Variants in TRAPPC9 observed in about 807,000 individuals in gnomAD.
TRAPPC9 encodes the protein trafficking protein particle complex subunit 9.
In TRAPPC9, 83 loss-of-function variants were observed where a neutral mutation model predicts 124.0. The observed-to-expected ratio is 0.67, with a 90% confidence interval of 0.56 to 0.80. The LOEUF (loss-of-function observed/expected upper bound fraction) is 0.80, where lower values mean the gene tolerates loss of function less well. Ranked by LOEUF, TRAPPC9 falls within the 30% of genes least tolerant of loss-of-function variation. The pLI is 0.00. For synonymous variants in TRAPPC9, 638 were observed against 617.5 expected (o/e 1.03, Z -0.49); for missense variants, 1,302 against 1,508.3 (o/e 0.86, Z 2.27).
chr8:140,252,997 T>C lies in TRAPPC9; in HGVS notation c.2279-68A>G, dbSNP rs542927573. 5.5e-5 allele frequency: 83 copies of C among 1,509,928 alleles called. 1 individual carries two copies. The East Asian group carries it at 1.8e-3, about 34-fold the overall frequency. The allele number at this position is 1,509,928 out of a possible 1,614,324, so 93.5% of individuals were successfully genotyped here. ...GGCAGTATGGGACTTACCAATCCCCTAGAAAATTCTGATGCATTCTCAAAA... is the reference window on the plus strand; with the variant it reads ...GGCAGTATGGGACTTACCAATCCCCCAGAAAATTCTGATGCATTCTCAAAA... On this transcript the variant is annotated intron_variant, in intron 15 of 22. Coordinates refer to ENST00000438773, the MANE Select transcript of TRAPPC9 (RefSeq NM_001160372.4). The surrounding 1 kb of genome is among the most constrained non-coding windows in gnomAD (Gnocchi z 4.2).
intron 11 of TRAPPC9, among the ~76,000 whole-genome samples, chr8:140,291,612 A>C (rs1480511386): frequency 6.6e-6 from 1 of 152,244 alleles, no homozygotes; most frequent in Non-Finnish European, 1.5e-5. Flanking sequence ...TGCACTATGT[A>C]ATCCCCACCT....
chr8:140,202,777 T>G (rs1368362508), intron 17 of TRAPPC9, among the ~76,000 whole-genome samples: 1 of 152,242 alleles, frequency 6.6e-6, no homozygotes, highest in Non-Finnish European at 1.5e-5. Context: ...AGCCAGATAC[T>G]GGGCATCTAT....
intron 15 of TRAPPC9, among the ~76,000 whole-genome samples, chr8:140,274,691 C>T (rs1003974262): frequency 6.6e-6 from 1 of 152,198 alleles, no homozygotes; most frequent in Non-Finnish European, 1.5e-5. Context: ...CTGGACCTTC[C>T]CTCAAGCTGG....
At chr8:139,732,262 C>A in intron 21 of TRAPPC9, 60 bp from the exon 22 acceptor site, 4 of 1,430,860 alleles carry the variant, frequency 2.8e-6, no homozygotes, top group Non-Finnish European at 1.9e-6. Flanking sequence ...GCCGGCCTAC[C>A]CCACCCACTC....
At chr8:140,248,960 C>T (rs78611353) in intron 16 of TRAPPC9, among the ~76,000 whole-genome samples, 7 of 152,278 alleles carry the variant, frequency 4.6e-5, no homozygotes, top group Admixed American at 2.0e-4. Flanking sequence ...TGAAAAATAT[C>T]GAGCCTACAG....
chr8:140,378,452 G>A (rs1462765358), intron 7 of TRAPPC9, among the ~76,000 whole-genome samples: 1 of 152,130 alleles, frequency 6.6e-6, no homozygotes, highest in East Asian at 1.9e-4. Context: ...TCCCCAACTA[G>A]AACATTGGAC....
intron 17 of TRAPPC9, among the ~76,000 whole-genome samples, chr8:140,183,970 GA>G: frequency 6.5e-5 from 7 of 107,754 alleles, no homozygotes; most frequent in South Asian, 3.7e-4. Context: ...AGGGAGGAGG[GA>G]GGAGGGAGGA....
chr8:140,386,606 C>A (rs1162406952), intron 7 of TRAPPC9, among the ~76,000 whole-genome samples: 1 of 152,108 alleles, frequency 6.6e-6, no homozygotes, highest in East Asian at 1.9e-4. Context: ...ATCCAACTTA[C>A]AAGGGATGTG....
At chr8:140,388,881 T>C (rs1180872815) in intron 7 of TRAPPC9, among the ~76,000 whole-genome samples, 1 of 149,082 alleles carries the variant, frequency 6.7e-6, no homozygotes, top group Admixed American at 6.7e-5. Flanking sequence ...AAGGACTGAT[T>C]CGTGCTACAA....
chr8:139,805,764 C>A (rs921407778), intron 21 of TRAPPC9, among the ~76,000 whole-genome samples: 1 of 152,098 alleles, frequency 6.6e-6, no homozygotes, highest in Non-Finnish European at 1.5e-5. Flanking sequence ...CCAGAGAATG[C>A]GGCCTCAGAG....
intron 21 of TRAPPC9, among the ~76,000 whole-genome samples, chr8:139,749,294 T>C (rs566278368): frequency 6.6e-6 from 1 of 152,266 alleles, no homozygotes; most frequent in African/African-American, 2.4e-5. Context: ...TGAGGGACTG[T>C]CTCTCCTGAG....
At chr8:139,980,485 A>G (rs1295398516) in intron 19 of TRAPPC9, among the ~76,000 whole-genome samples, 1 of 152,214 alleles carries the variant, frequency 6.6e-6, no homozygotes, top group Non-Finnish European at 1.5e-5. Context: ...GACGTGCTCC[A>G]GCCGTGCGAT....
chr8:140,085,386 A>C (rs974663662), intron 17 of TRAPPC9, among the ~76,000 whole-genome samples: 1 of 151,942 alleles, frequency 6.6e-6, no homozygotes, highest in Non-Finnish European at 1.5e-5. Flanking sequence ...ACTGAAAAAC[A>C]GAAATTTCAA....
intron 10 of TRAPPC9, among the ~76,000 whole-genome samples, chr8:140,306,954 T>C (rs1218783121): frequency 6.6e-6 from 1 of 152,188 alleles, no homozygotes; most frequent in Non-Finnish European, 1.5e-5. Context: ...TCCTTGTCTG[T>C]TGCCTCCCAA....
Position 139,982,854 on chromosome 8 carries a change from T to C in TRAPPC9, c.2810+5872A>G, listed in dbSNP as rs555826987. 7.9e-5 allele frequency among the ~76,000 whole-genome samples: 12 copies of C among 152,324 alleles called. No homozygotes were observed. The East Asian group carries it at 1.2e-3, about 15-fold the overall frequency. ...TAAAAACTCTAATATTCACAGTCTA[T>C]GAACACCTCTTTCACACTTACCACC... is the stretch of plus-strand genomic sequence containing the variant. On this transcript the variant is annotated intron_variant, in intron 19 of 22. Coordinates refer to ENST00000438773, the MANE Select transcript of TRAPPC9 (RefSeq NM_001160372.4).
chr8:140,291,072 T>G lies in TRAPPC9; in HGVS notation c.1775A>C (p.Gln592Pro). ...TTCACACACATCTCCTTGAACCCACTGGAAATCTAGAAAATACACACACAT... is the reference window on the plus strand; with the variant it reads ...TTCACACACATCTCCTTGAACCCACGGGAAATCTAGAAAATACACACACAT... ...GEERNKKIDF[Q>P]WVQGDVCEVQ... Residue 592 changes from glutamine to proline, a missense_variant, in exon 12 of 23, where the codon CAG (glutamine) becomes CCG (proline). This residue lies in a region of TRAPPC9 where 657 missense variants were observed against 811.2 expected (regional missense o/e 0.81). Coordinates refer to ENST00000438773, the MANE Select transcript of TRAPPC9 (RefSeq NM_001160372.4). The G allele has an allele frequency of 3.7e-6, 6 of 1,614,110 alleles. No individual in the cohort carries two copies. The highest frequency in any genetic ancestry group is 5.1e-6 in the Non-Finnish European group (6 of 1,179,894).
intron 14 of TRAPPC9, among the ~76,000 whole-genome samples, chr8:140,280,832 C>T (rs964201669): frequency 1.3e-4 from 20 of 152,172 alleles, no homozygotes; most frequent in African/African-American, 4.6e-4. Flanking sequence ...CTCAGGCAGC[C>T]GCTGAGCTGT....
At chr8:140,306,425 G>A (rs747332209) in intron 10 of TRAPPC9, among the ~76,000 whole-genome samples, 7 of 151,132 alleles carry the variant, frequency 4.6e-5, no homozygotes, top group African/African-American at 1.5e-4. Context: ...CCTGGGAGGC[G>A]GAGGTTGCAG....
chr8:140,098,814 G>C (rs1046979535), intron 17 of TRAPPC9: 66 of 151,768 alleles, frequency 4.3e-4, no homozygotes, highest in African/African-American at 1.5e-3. Flanking sequence ...TGTCCGCAGG[G>C]GAAGACACCA....
Sources: gnomAD v4.1 joint callset for allele counts (sites outside exome capture counted in the v4.1 genomes callset) on GRCh38, gnomAD v4.1.1 for gene constraint, gnomAD v4.1.1 regional missense constraint, Gnocchi (gnomAD v3.1) non-coding constraint, MANE v1.5 for transcripts, NCBI Gene and HGNC (gene_info 2026-07-23, HGNC 2026-07-21) for gene names.